ESRRG: variants seen among roughly 807,000 people sequenced by gnomAD.
ESRRG encodes the protein estrogen-related receptor gamma.
In ESRRG, 13 loss-of-function variants were observed where a neutral mutation model predicts 44.0. The ratio of observed to expected loss-of-function variants is 0.30; its 90% CI spans 0.19 to 0.47. ESRRG has a LOEUF of 0.47. Among genes scored for constraint, ESRRG ranks in the 20% least tolerant of loss-of-function variants. ESRRG has a pLI of 1.00. For missense variants in ESRRG, 395 were observed against 580.6 expected (o/e 0.68, Z 3.29); for synonymous variants, 215 against 214.6 (o/e 1.00, Z -0.02).
chr1:216,722,761 G>C (rs2086629783), intron 1 of ESRRG, among the ~76,000 whole-genome samples: 1 of 152,196 alleles, frequency 6.6e-6, no homozygotes, highest in Non-Finnish European at 1.5e-5. Context: ...AGGAGAATTA[G>C]TAAATGTGCA....
At chr1:217,049,254 G>T (rs2151213927) in intron 1 of ESRRG, among the ~76,000 whole-genome samples, 1 of 152,262 alleles carries the variant, frequency 6.6e-6, no homozygotes, top group South Asian at 2.1e-4. Flanking sequence ...CTAATTTTCT[G>T]AGTGTAGGAA....
intron 5 of ESRRG, among the ~76,000 whole-genome samples, chr1:216,560,433 GTTA>G (rs1229313004): frequency 1.3e-5 from 2 of 152,020 alleles, no homozygotes; most frequent in African/African-American, 4.8e-5. Flanking sequence ...ATACCATTCT[GTTA>G]TTTTAAACCA....
intron 3 of ESRRG, among the ~76,000 whole-genome samples, chr1:216,621,643 A>G (rs1472260604): frequency 1.3e-5 from 2 of 152,210 alleles, no homozygotes; most frequent in Non-Finnish European, 2.9e-5. Flanking sequence ...GGGGCAGGCC[A>G]TCAACCACTG....
At chr1:216,601,171 C>CG (rs1178272110) in intron 3 of ESRRG, among the ~76,000 whole-genome samples, 1 of 152,040 alleles carries the variant, frequency 6.6e-6, no homozygotes, top group Non-Finnish European at 1.5e-5. Flanking sequence ...GGCTCCCGGG[C>CG]GGGCGCTCGG....
At chr1:217,008,701 AT>A (rs1367117407) in intron 1 of ESRRG, among the ~76,000 whole-genome samples, 1 of 152,190 alleles carries the variant, frequency 6.6e-6, no homozygotes, top group African/African-American at 2.4e-5. Context: ...TAAAGGTTTT[AT>A]TTTATTAATC....
Position 216,775,551 on chromosome 1 carries a change from C to CTTTTTTTT in ESRRG, c.-13-98068_-13-98061dup, listed in dbSNP as rs71163765. On this transcript the variant is annotated intron_variant, in intron 2 of 7. Transcript: ENST00000359162. ...TTCCCACCTAAATAAAATGTCACAT[C>CTTTTTTTT]TTTTTTTTTTTTTTTTTTTTTTTTT... Among the ~76,000 whole-genome samples the CTTTTTTTT allele has an allele frequency of 1.2e-3, 93 of 74,812 alleles. 10 individuals carry two copies. The highest frequency in any genetic ancestry group is 4.1e-3 in the East Asian group (11 of 2,676). 49.1% of individuals were successfully genotyped at this position (74,812 alleles called of 152,430 possible). A position where few individuals can be genotyped will look rare whatever the true frequency, so the allele number is the denominator to read the frequency against.
chr1:216,705,757 T>C (rs1426349186), intron 1 of ESRRG, among the ~76,000 whole-genome samples: 1 of 152,220 alleles, frequency 6.6e-6, no homozygotes, highest in Non-Finnish European at 1.5e-5. Flanking sequence ...TTATACTAGC[T>C]ACCTAAATAA....
At chr1:217,129,289 T>G (rs1580649304) in intron 1 of ESRRG, among the ~76,000 whole-genome samples, 2 of 152,270 alleles carry the variant, frequency 1.3e-5, no homozygotes, top group Middle Eastern at 3.4e-3. Context: ...CAACAGTGAA[T>G]TACCACTTAC....
intron 3 of ESRRG, among the ~76,000 whole-genome samples, chr1:216,626,963 C>G (rs1180254172): frequency 1.3e-5 from 2 of 152,234 alleles, no homozygotes; most frequent in Non-Finnish European, 2.9e-5. Context: ...TCTGCCAGAA[C>G]CTAAAAGACC....
chr1:216,584,488 C>A (rs2063396068), intron 3 of ESRRG, among the ~76,000 whole-genome samples: 1 of 152,036 alleles, frequency 6.6e-6, no homozygotes, highest in Non-Finnish European at 1.5e-5. Context: ...GATCTCCTGA[C>A]CTCGTGATCC....
At chr1:217,078,128 A>C (rs1483649918) in intron 1 of ESRRG, 2 of 152,238 alleles carry the variant, frequency 1.3e-5, no homozygotes, top group African/African-American at 4.8e-5. Context: ...TAAATCATAC[A>C]TACTTACACG....
chr1:216,877,672 G>A (rs2096378942), intron 2 of ESRRG, among the ~76,000 whole-genome samples: 1 of 152,076 alleles, frequency 6.6e-6, no homozygotes, highest in Non-Finnish European at 1.5e-5. Flanking sequence ...CCAAAGTGCT[G>A]GGATTACGGG....
In ESRRG at chr1:216,519,303, T is replaced by C. The variant is rs747362413; in HGVS notation, c.981A>G (p.Ala327=). The C allele has an allele frequency of 2.5e-6, 4 of 1,613,908 alleles. No individual in the cohort carries two copies. Among genetic ancestry groups the C allele is most frequent in the Non-Finnish European group, 3.4e-6 (4 of 1,179,874 alleles). ...SLSFEDELVY[A]DDYIMDEDQS... Reference sequence around the variant, plus strand: ...GGTCTTCGTCCATTATATAATCGTCTGCATAGACAAGTTCATCCTCAAACG... The same window carrying C: ...GGTCTTCGTCCATTATATAATCGTCCGCATAGACAAGTTCATCCTCAAACG... Residue 327 remains alanine (A), a synonymous_variant, in exon 6 of 7, where the codon GCA becomes GCG. Transcript: ENST00000408911.
intron 2 of ESRRG, among the ~76,000 whole-genome samples, chr1:216,746,501 C>G (rs2091417376): frequency 1.3e-5 from 2 of 152,138 alleles, no homozygotes; most frequent in Non-Finnish European, 2.9e-5. Flanking sequence ...CCAAAGCTAA[C>G]TTTTAAAAGA....
chr1:216,669,102 T>TAAA lies in ESRRG; in HGVS notation c.472+7971_472+7973dup, dbSNP rs72240136. Reference sequence around the variant, plus strand: ...TGTTTTTTTATATTTTTAAACAGCTTAAAAAAAAAACAAAACAAAGAGTAT... The same window carrying TAAA: ...TGTTTTTTTATATTTTTAAACAGCTTAAAAAAAAAAAAACAAAACAAAGAGTAT... On this transcript the variant is annotated intron_variant, in intron 2 of 6. Coordinates refer to ENST00000408911, the MANE Select transcript of ESRRG (RefSeq NM_001438.4). Among the ~76,000 whole-genome samples, 35 of 147,990 alleles carry TAAA rather than the reference T, an allele frequency of 2.4e-4. 1 individual carries two copies. Among genetic ancestry groups the TAAA allele is most frequent in the South Asian group, 8.5e-4 (4 of 4,684 alleles).
intron 2 of ESRRG, among the ~76,000 whole-genome samples, chr1:216,783,280 C>A (rs2094000763): frequency 6.6e-6 from 1 of 151,954 alleles, no homozygotes; most frequent in Admixed American, 6.6e-5. Flanking sequence ...CACAGAGTGA[C>A]CATGTCTGAG....
chr1:216,672,701 C>G (rs1245490350), intron 2 of ESRRG, among the ~76,000 whole-genome samples: 1 of 151,930 alleles, frequency 6.6e-6, no homozygotes, highest in Non-Finnish European at 1.5e-5. Flanking sequence ...GATCCCGTCT[C>G]TACAAAAGAG....
chr1:216,687,566 C>T (rs1215106924), intron 1 of ESRRG, among the ~76,000 whole-genome samples: 1 of 152,080 alleles, frequency 6.6e-6, no homozygotes, highest in Non-Finnish European at 1.5e-5. Context: ...AGTACTTGGC[C>T]CCTAAGCTTG....
chr1:216,948,696 G>A (rs2066482888), intron 1 of ESRRG, among the ~76,000 whole-genome samples: 3 of 152,018 alleles, frequency 2.0e-5, no homozygotes, highest in African/African-American at 7.3e-5. Flanking sequence ...TAGCTCTGAG[G>A]CTTAATCACT....
Sources: allele counts gnomAD v4.1 joint callset (sites outside exome capture counted in the v4.1 genomes callset), GRCh38; gene constraint gnomAD v4.1.1; transcripts MANE v1.5; gene names NCBI Gene and HGNC (gene_info 2026-07-23, HGNC 2026-07-21).